DNASE1L3: variants seen among roughly 807,000 people sequenced by gnomAD.
The protein encoded by DNASE1L3 is deoxyribonuclease gamma.
Under a neutral mutation model 30.9 loss-of-function variants are expected in DNASE1L3, and 27 were observed. The ratio of observed to expected loss-of-function variants is 0.87; its 90% CI spans 0.64 to 1.20. The LOEUF is 1.20. Ranked by LOEUF, DNASE1L3 falls within the 50% of genes most tolerant of loss-of-function variation. DNASE1L3 has a pLI of 0.00. For missense variants in DNASE1L3, 364 were observed against 378.2 expected (o/e 0.96, Z 0.31); for synonymous variants, 135 against 138.0 (o/e 0.98, Z 0.15).
At position 58,197,985 on chromosome 3, in the gene DNASE1L3, G is replaced by T. The variant is rs1251187484; in HGVS notation, c.547-7C>A. On this transcript the variant is annotated splice_polypyrimidine_tract_variant and splice_region_variant and intron_variant, in intron 5 of 7. Coordinates refer to ENST00000394549, the MANE Select transcript of DNASE1L3 (RefSeq NM_004944.4). This position sits in a 1 kb window ranked among gnomAD's most constrained non-coding sequence, Gnocchi z 5.3. ...CACCCATGAAAATGAAATTCTAAAA[G>T]ACAAGATTTGGAACTGTCACCTGGT... The T allele has an allele frequency of 6.2e-7, 1 of 1,602,794 alleles. No homozygotes were observed. Among genetic ancestry groups the T allele is most frequent in the South Asian group, 1.1e-5 (1 of 88,668 alleles).
rs540548287 is a variant in DNASE1L3 at position 58,197,426 on chromosome 3, G to T, written c.704+395C>A. ...CCTGACATTTAATTGACTCAGCTCT[G>T]CAAGCAGTGTGCTTTTCTTATTTTT... On this transcript the variant is annotated intron_variant, in intron 6 of 7. Transcript: ENST00000394549. This position sits in a 1 kb window ranked among gnomAD's most constrained non-coding sequence, Gnocchi z 5.3. Among the ~76,000 whole-genome samples the T allele has an allele frequency of 1.6e-3, 248 of 152,204 alleles. No individual in the cohort carries two copies. Among genetic ancestry groups the T allele is most frequent in the African/African-American group, 5.8e-3 (239 of 41,546 alleles).
At position 58,210,961 on chromosome 3, in the gene DNASE1L3, C is replaced by T. The variant is rs1395918510; in HGVS notation, c.-55G>A. 3.1e-6 allele frequency: 5 copies of T among 1,599,964 alleles called. No homozygotes were observed. The highest frequency in any genetic ancestry group is 4.3e-6 in the Non-Finnish European group (5 of 1,172,166). On this transcript the variant is annotated 5_prime_UTR_variant, in exon 1 of 8. Coordinates refer to ENST00000394549, the MANE Select transcript of DNASE1L3 (RefSeq NM_004944.4). ...TGAGAAGACAGCAGTGCTTGGAGTG[C>T]TGGATTCTGGCCACTTCCGCAGGCT... is the stretch of plus-strand genomic sequence containing the variant.
intron 2 of DNASE1L3, among the ~76,000 whole-genome samples, chr3:58,207,544 A>T (rs76932186): frequency 6.7e-6 from 1 of 149,884 alleles, no homozygotes; most frequent in East Asian, 2.0e-4. Context: ...ACCCTTATTC[A>T]TGTAACATGA....
intron 5 of DNASE1L3, among the ~76,000 whole-genome samples, chr3:58,198,307 C>A (rs2097398621): frequency 6.6e-6 from 1 of 152,146 alleles, no homozygotes; most frequent in South Asian, 2.1e-4. Context: ...GAGCAAAGAC[C>A]ATGTAAAGAC....
At chr3:58,203,245 C>G (rs2107376270) in intron 4 of DNASE1L3, among the ~76,000 whole-genome samples, 1 of 152,316 alleles carries the variant, frequency 6.6e-6, no homozygotes, top group Admixed American at 6.5e-5. Flanking sequence ...CTCTCCTCCT[C>G]AGGCCTCCAC....
chr3:58,195,492 G>C (rs2097396653), intron 6 of DNASE1L3, among the ~76,000 whole-genome samples: 1 of 152,002 alleles, frequency 6.6e-6, no homozygotes, highest in East Asian at 1.9e-4. Context: ...AAGAGGCCGG[G>C]CATGGTGGCT....
intron 6 of DNASE1L3, 151 bp from the exon 7 acceptor site, chr3:58,193,590 C>G (rs539444832): frequency 4.7e-6 from 3 of 640,756 alleles, no homozygotes; most frequent in African/African-American, 1.8e-5. Context: ...GCCTGTGACC[C>G]CAAAGGACAG....
rs1204803227 is a variant in DNASE1L3 at position 58,200,073 on chromosome 3, A to G, written c.546+924T>C. Among the ~76,000 whole-genome samples the G allele has an allele frequency of 6.6e-6, 1 of 152,194 alleles. No individual in the cohort carries two copies. The highest frequency in any genetic ancestry group is 1.5e-5 in the Non-Finnish European group (1 of 68,028). On this transcript the variant is annotated intron_variant, in intron 5 of 7. Transcript: ENST00000394549. The surrounding 1 kb of genome is among the most constrained non-coding windows in gnomAD (Gnocchi z 4.2). ...AGAGCTTTCACAGCCCCTCACAGCC[A>G]CAAGTGGTCTCTTCCAAAAGTGGAA...
chr3:58,207,048 CT>C (rs2097404492), intron 2 of DNASE1L3, among the ~76,000 whole-genome samples: 1 of 152,130 alleles, frequency 6.6e-6, no homozygotes, highest in African/African-American at 2.4e-5. Context: ...CCAGACATGG[CT>C]TTTGTTCAAA....
chr3:58,204,918 A>G (rs1407540057), intron 3 of DNASE1L3, 37 bp from the exon 4 acceptor site: 1 of 1,595,900 alleles, frequency 6.3e-7, no homozygotes, highest in Non-Finnish European at 8.6e-7. Flanking sequence ...CAGCTGAGTC[A>G]GCCCTTTTCT....
Position 58,210,872 on chromosome 3 carries a change from A to G in DNASE1L3, c.35T>C (p.Leu12Pro). 1 of 1,614,074 alleles carries G rather than the reference A, an allele frequency of 6.2e-7. No homozygotes were observed. The highest frequency in any genetic ancestry group is 8.5e-7 in the Non-Finnish European group (1 of 1,180,022). The change falls in exon 1 of 8, where the codon CTC (leucine) becomes CCC (proline). Residue 12 changes from leucine to proline, a missense_variant. Coordinates refer to ENST00000394549, the MANE Select transcript of DNASE1L3 (RefSeq NM_004944.4). The stretch of plus-strand genomic sequence containing the variant: ...GGCCAGGGCGCTGTGGATGGAGAGG[A>G]GGAGAAGCAGCAGTGGGGCCAGCTC... ...SRELAPLLLL[L>P]LSIHSALAMR...
rs139865883 is a variant in DNASE1L3, at chr3:58,210,842, C to T, written c.65G>A (p.Arg22Lys). The change falls in exon 1 of 8, where the codon AGG (arginine) becomes AAG (lysine). Residue 22 changes from arginine (R) to lysine (K), a missense_variant. Coordinates refer to ENST00000394549, the MANE Select transcript of DNASE1L3 (RefSeq NM_004944.4). ...GGACCTGACGTTGAAGGAGCAGATCCTCATGGCCAGGGCGCTGTGGATGGA... is the reference window on the plus strand; with the variant it reads ...GGACCTGACGTTGAAGGAGCAGATCTTCATGGCCAGGGCGCTGTGGATGGA... ...LLSIHSALAMRICSFNVRSFG... is the reference protein window; with the variant it reads ...LLSIHSALAMKICSFNVRSFG... 4.5e-5 allele frequency: 73 copies of T among 1,614,132 alleles called. No individual in the cohort carries two copies. The African/African-American group carries it at 8.9e-4, about 20-fold the overall frequency.
Position 58,197,705 on chromosome 3 carries a change from G to T in DNASE1L3, c.704+116C>A. ...TGTACTCAAGCGATCCATCCATCGA[G>T]GCCTCCCAAAGTGCTAGGACTACTG... On this transcript the variant is annotated intron_variant, in intron 6 of 7. Coordinates refer to ENST00000394549, the MANE Select transcript of DNASE1L3 (RefSeq NM_004944.4). The surrounding 1 kb of genome is among the most constrained non-coding windows in gnomAD (Gnocchi z 5.3). 2.1e-6 allele frequency: 3 copies of T among 1,400,148 alleles called. No individual in the cohort carries two copies. Among genetic ancestry groups the T allele is most frequent in the South Asian group, 1.2e-5 (1 of 80,342 alleles). The allele number at this position is 1,400,148 out of a possible 1,614,324, so 86.7% of individuals were successfully genotyped here.
At chr3:58,195,992 G>A (rs1238319672) in intron 6 of DNASE1L3, among the ~76,000 whole-genome samples, 3 of 152,062 alleles carry the variant, frequency 2.0e-5, no homozygotes, top group Non-Finnish European at 1.5e-5. Context: ...TGGCCATGTT[G>A]CCTTCTGATT....
intron 1 of DNASE1L3, among the ~76,000 whole-genome samples, chr3:58,208,879 T>G (rs558464512): frequency 2.0e-5 from 3 of 152,156 alleles, no homozygotes; most frequent in Admixed American, 6.5e-5. Flanking sequence ...ACAGCCAGGA[T>G]AGGTGGTAGA....
At chr3:58,206,819 G>A (rs17058994) in intron 2 of DNASE1L3, among the ~76,000 whole-genome samples, 3,878 of 152,200 alleles carry the variant, frequency 0.025, 160 homozygotes, top group African/African-American at 0.088. Context: ...CAGATGTGAC[G>A]CAAGTTCAAA....
At chr3:58,199,976 A>C (rs1337312986) in intron 5 of DNASE1L3, among the ~76,000 whole-genome samples, 1 of 152,226 alleles carries the variant, frequency 6.6e-6, no homozygotes. Context: ...GGGGGATCAC[A>C]GGAGTCACAT....
intron 4 of DNASE1L3, among the ~76,000 whole-genome samples, chr3:58,204,165 G>A (rs2097402436): frequency 7.1e-6 from 1 of 140,942 alleles, no homozygotes; most frequent in Admixed American, 7.3e-5. Flanking sequence ...TTTGAGACAA[G>A]AGTCTCACTC....
rs34252389 is a variant in DNASE1L3, at chr3:58,210,856, G to A, written c.51C>T (p.Ser17=). ...PLLLLLLSIH[S]ALAMRICSFN... ...AGGAGCAGATCCTCATGGCCAGGGC[G>A]CTGTGGATGGAGAGGAGGAGAAGCA... Residue 17 remains serine (S), a synonymous_variant, in exon 1 of 8, where the codon AGC becomes AGT. Transcript: ENST00000394549. 50,708 of 1,614,110 alleles carry A rather than the reference G, an allele frequency of 0.031. 991 individuals are homozygous for A. The highest frequency in any genetic ancestry group is 0.033 in the Middle Eastern group (201 of 6,056).
Sources: allele counts gnomAD v4.1 joint callset (sites outside exome capture counted in the v4.1 genomes callset), GRCh38; gene constraint gnomAD v4.1.1; non-coding constraint Gnocchi (gnomAD v3.1); transcripts MANE v1.5; gene names NCBI Gene and HGNC (gene_info 2026-07-23, HGNC 2026-07-21).